The following ENTPD5 variants were observed in gnomAD, a reference collection of about 807,000 sequenced individuals.
ENTPD5 encodes the protein nucleoside diphosphate phosphatase ENTPD5.
A neutral mutation model predicts 60.2 loss-of-function variants in ENTPD5; 49 were observed. The ratio of observed to expected loss-of-function variants is 0.81; its 90% CI spans 0.65 to 1.03. The LOEUF is 1.03. Among genes scored for constraint, ENTPD5 ranks in the 50% least tolerant of loss-of-function variants. The probability of loss-of-function intolerance (pLI) is 0.00; values close to 1 mark genes in which losing one functional copy is unlikely to be tolerated. For synonymous variants in ENTPD5, 187 were observed against 185.4 expected (o/e 1.01, Z -0.07); for missense variants, 480 against 507.6 (o/e 0.95, Z 0.52).
chr14:73,974,874 T>C, intron 11 of ENTPD5, 50 bp downstream of exon 11: 1 of 1,418,908 alleles, frequency 7.0e-7, no homozygotes, highest in Non-Finnish European at 9.9e-7. Flanking sequence ...GCAAGCGGAG[T>C]ATCTGTGTCA....
chr14:73,975,096 C>T (rs959813230), intron 10 of ENTPD5, 111 bp from the exon 11 acceptor site: 9 of 835,312 alleles, frequency 1.1e-5, no homozygotes, highest in African/African-American at 1.7e-5. Context: ...AGATGAAAAC[C>T]TTGTTCTGTC....
At chr14:73,956,128 TC>T, downstream of ENTPD5, 1 of 576,866 alleles carries the variant, frequency 1.7e-6, no homozygotes, top group Non-Finnish European at 3.1e-6. Context: ...ATGGAGACCA[TC>T]CTGGCTAACA....
chr14:73,957,963 TGAG>T, downstream of ENTPD5: 2 of 605,362 alleles, frequency 3.3e-6, no homozygotes, highest in Admixed American at 5.3e-5. Flanking sequence ...TTTTTGACAT[TGAG>T]TTATCTCTGT....
At chr14:73,995,784 T>C (rs1366435552) in intron 3 of ENTPD5, among the ~76,000 whole-genome samples, 3 of 152,068 alleles carry the variant, frequency 2.0e-5, no homozygotes, top group African/African-American at 7.3e-5. Flanking sequence ...TTTTGTAGAC[T>C]AGGGAGGTAT....
intron 11 of ENTPD5, 29 bp downstream of exon 11, chr14:73,974,895 C>T: frequency 2.0e-6 from 3 of 1,492,002 alleles, no homozygotes; most frequent in Non-Finnish European, 2.8e-6. Context: ...CCCTCACCAT[C>T]CCCCCCCAGC....
In ENTPD5 at chr14:73,983,081, G is replaced by A. The variant is rs978874461; in HGVS notation, c.378C>T (p.Val126=). The A allele has an allele frequency of 5.0e-6, 8 of 1,614,018 alleles. No homozygotes were observed. The highest frequency in any genetic ancestry group is 6.8e-6 in the Non-Finnish European group (8 of 1,179,998). ...AGCGTAGTCCTGCTGTTGCCTTTAG[G>A]ACCACTGGGGTCTTTTTCCAGTGAC... The part of the protein sequence containing the change: ...PRSHWKKTPV[V]LKATAGLRLL... The change falls in exon 6 of 16, where the codon GTC becomes GTT. Residue 126 remains valine (V), a synonymous_variant. Transcript: ENST00000334696.
At chr14:74,000,390 G>T (rs1317944924) in intron 3 of ENTPD5, among the ~76,000 whole-genome samples, 1 of 151,172 alleles carries the variant, frequency 6.6e-6, no homozygotes, top group Non-Finnish European at 1.5e-5. Context: ...CCCCTGGGAG[G>T]TGGAGGTTGC....
intron 3 of ENTPD5, among the ~76,000 whole-genome samples, chr14:73,999,724 G>A (rs1011691187): frequency 5.9e-5 from 9 of 151,540 alleles, no homozygotes; most frequent in South Asian, 2.1e-4. Flanking sequence ...CCTGGCAGGC[G>A]GAGGTTGCAG....
intron 3 of ENTPD5, among the ~76,000 whole-genome samples, chr14:73,998,438 T>C (rs575122045): frequency 3.3e-5 from 5 of 152,250 alleles, no homozygotes; most frequent in Admixed American, 6.5e-5. Flanking sequence ...ATTTCTGCGT[T>C]TGTCCCCTTC....
chr14:74,007,267 A>G (rs1052983075), intron 3 of ENTPD5, among the ~76,000 whole-genome samples: 4 of 152,294 alleles, frequency 2.6e-5, no homozygotes, highest in African/African-American at 9.6e-5. Flanking sequence ...CACGCCTGTA[A>G]TCCCAGCACT....
At chr14:73,959,771 T>C, downstream of ENTPD5, 1 of 1,176,070 alleles carries the variant, frequency 8.5e-7, no homozygotes, top group Non-Finnish European at 1.1e-6. Flanking sequence ...GGTTTCACCA[T>C]GTTGGCCAGG....
chr14:73,963,113 TTC>T (rs1566696422), downstream of ENTPD5: 2 of 939,260 alleles, frequency 2.1e-6, no homozygotes, highest in Non-Finnish European at 3.4e-6. Context: ...TACATTAAAA[TTC>T]TCTTTTTCTT....
chr14:73,998,819 C>T (rs1326481233), intron 3 of ENTPD5, among the ~76,000 whole-genome samples: 1 of 152,052 alleles, frequency 6.6e-6, no homozygotes, highest in Non-Finnish European at 1.5e-5. Context: ...CCCTGAGGAA[C>T]AGTGAATGGA....
intron 14 of ENTPD5, among the ~76,000 whole-genome samples, chr14:73,970,621 C>T (rs1214369806): frequency 6.6e-6 from 1 of 152,158 alleles, no homozygotes; most frequent in African/African-American, 2.4e-5. Context: ...AGAACTTGCA[C>T]ATCTCTGGTA....
chr14:73,994,073 C>CT (rs1348145899), intron 3 of ENTPD5, among the ~76,000 whole-genome samples: 2 of 152,094 alleles, frequency 1.3e-5, no homozygotes, highest in African/African-American at 4.8e-5. Context: ...TGCAATCGCA[C>CT]TTTTAAGATT....
downstream of ENTPD5, chr14:73,961,225 AG>A: frequency 6.2e-7 from 1 of 1,614,098 alleles, no homozygotes; most frequent in East Asian, 2.2e-5. Context: ...GCCATGCTGC[AG>A]TATGCTGTCA....
intron 3 of ENTPD5, among the ~76,000 whole-genome samples, chr14:73,991,757 G>A (rs1222691360): frequency 3.3e-5 from 5 of 151,538 alleles, no homozygotes; most frequent in Admixed American, 3.3e-4. Context: ...AACCAAAAAC[G>A]TCTCCAGACA....
At position 73,965,962 on chromosome 14, in the gene ENTPD5, C is replaced by G. The variant is rs1029946165; in HGVS notation, c.*966G>C. Reference sequence around the variant, plus strand: ...GGATATTAGCTAAAGTGATCAGGGACCAGGACAGGAAGGTACTGTTACAAA... The same window carrying G: ...GGATATTAGCTAAAGTGATCAGGGAGCAGGACAGGAAGGTACTGTTACAAA... On this transcript the variant is annotated 3_prime_UTR_variant, in exon 16 of 16. Coordinates refer to ENST00000334696, the MANE Select transcript of ENTPD5 (RefSeq NM_001249.5). 18 of 152,058 alleles carry G rather than the reference C, an allele frequency of 1.2e-4. No homozygotes were observed. Among genetic ancestry groups the G allele is most frequent in the Admixed American group, 3.3e-4 (5 of 15,252 alleles). The allele number at this position is 152,058 out of a possible 1,614,324, so 9.4% of individuals were successfully genotyped here.
At chr14:74,011,731 G>A (rs558928453) in intron 2 of ENTPD5, among the ~76,000 whole-genome samples, 3 of 152,126 alleles carry the variant, frequency 2.0e-5, no homozygotes, top group Non-Finnish European at 4.4e-5. Flanking sequence ...ATGGGAAGTC[G>A]AGGTTGCAGT....
Sources: gnomAD v4.1 joint callset for allele counts (sites outside exome capture counted in the v4.1 genomes callset) on GRCh38, gnomAD v4.1.1 for gene constraint, MANE v1.5 for transcripts, NCBI Gene and HGNC (gene_info 2026-07-23, HGNC 2026-07-21) for gene names.